Variants in ADGRB3 observed in about 807,000 individuals in gnomAD.
ADGRB3 encodes adhesion G protein-coupled receptor B3, also known as brain-specific angiogenesis inhibitor 3.
Under a neutral mutation model 193.4 loss-of-function variants are expected in ADGRB3, and 37 were observed. That is an observed-to-expected ratio of 0.19 (90% CI 0.15 to 0.25). The LOEUF (loss-of-function observed/expected upper bound fraction) is 0.25. Ranked by LOEUF, ADGRB3 falls within the 10% of genes least tolerant of loss-of-function variation. ADGRB3 has a pLI of 1.00. For synonymous variants in ADGRB3, 690 were observed against 644.2 expected, an observed-to-expected ratio of 1.07 and a Z score of -1.08; for missense variants, 1,637 against 1,852.9, an observed-to-expected ratio of 0.88 and a Z score of 2.14.
At chr6:69,168,761 A>G (rs1775195534) in intron 17 of ADGRB3, among the ~76,000 whole-genome samples, 1 of 152,138 alleles carries the variant, frequency 6.6e-6, no homozygotes, top group Admixed American at 6.5e-5. Flanking sequence ...AGAATTACTC[A>G]TATCATACCA....
intron 17 of ADGRB3, among the ~76,000 whole-genome samples, chr6:69,122,310 G>T (rs984846465): frequency 6.6e-6 from 1 of 151,608 alleles, no homozygotes; most frequent in African/African-American, 2.4e-5. Flanking sequence ...CCAGTCAGGC[G>T]TGGTGGCACG....
chr6:69,048,667 TC>T (rs1489157228), intron 14 of ADGRB3, among the ~76,000 whole-genome samples: 2 of 152,146 alleles, frequency 1.3e-5, no homozygotes, highest in Non-Finnish European at 2.9e-5. Context: ...TGTTGTATTT[TC>T]CATGCAATGT....
At chr6:69,170,984 A>G (rs1221122435) in intron 17 of ADGRB3, among the ~76,000 whole-genome samples, 2 of 152,226 alleles carry the variant, frequency 1.3e-5, no homozygotes, top group Non-Finnish European at 2.9e-5. Context: ...GCCATACGAA[A>G]AGTAAAAAGA....
intron 17 of ADGRB3, among the ~76,000 whole-genome samples, chr6:69,153,912 GA>G (rs1561936294): frequency 1.3e-5 from 2 of 152,016 alleles, no homozygotes; most frequent in Non-Finnish European, 2.9e-5. Flanking sequence ...AGAATGGTGT[GA>G]ACCCGGGAGG....
At chr6:68,735,189 A>T (rs1212148497) in intron 3 of ADGRB3, among the ~76,000 whole-genome samples, 4 of 152,044 alleles carry the variant, frequency 2.6e-5, no homozygotes, top group Admixed American at 6.6e-5. Flanking sequence ...ATGATCAAAA[A>T]TATTGTCGAA....
chr6:68,961,324 A>C (rs553858993), intron 8 of ADGRB3, among the ~76,000 whole-genome samples: 3 of 152,312 alleles, frequency 2.0e-5, no homozygotes, highest in African/African-American at 7.2e-5. Context: ...AAAACCAGGC[A>C]CTGCCAGGAC....
chr6:68,982,836 G>A (rs1001908046), intron 10 of ADGRB3, among the ~76,000 whole-genome samples: 7 of 152,068 alleles, frequency 4.6e-5, no homozygotes, highest in East Asian at 1.9e-4. Flanking sequence ...CTTTCTACCC[G>A]AGAGGTGCTC....
At chr6:68,778,632 C>T (rs1312691184) in intron 3 of ADGRB3, among the ~76,000 whole-genome samples, 3 of 152,110 alleles carry the variant, frequency 2.0e-5, no homozygotes, top group Non-Finnish European at 4.4e-5. Context: ...CTGAACTTTG[C>T]AGAGCACTTG....
chr6:69,248,994 T>C (rs925974033), intron 20 of ADGRB3, among the ~76,000 whole-genome samples: 26 of 152,198 alleles, frequency 1.7e-4, no homozygotes, highest in African/African-American at 6.3e-4. Context: ...TTTCTTTTTT[T>C]TGAAATGGAG....
intron 20 of ADGRB3, among the ~76,000 whole-genome samples, chr6:69,288,018 C>T (rs908577930): frequency 7.3e-5 from 11 of 151,716 alleles, no homozygotes; most frequent in African/African-American, 2.7e-4. Flanking sequence ...CATGCAGTAG[C>T]AATAAAACTT....
intron 23 of ADGRB3, 131 bp from the exon 24 acceptor site, chr6:69,332,792 G>A (rs1407849908): frequency 6.9e-7 from 1 of 1,440,060 alleles, no homozygotes; most frequent in African/African-American, 1.4e-5. Flanking sequence ...CTTATAAAAT[G>A]TTTGAGAGTG....
intron 20 of ADGRB3, among the ~76,000 whole-genome samples, chr6:69,247,891 T>G (rs1212446145): frequency 2.6e-5 from 4 of 151,678 alleles, no homozygotes; most frequent in South Asian, 4.2e-4. Context: ...TGGAGGTCAA[T>G]TTTTTTTTAT....
chr6:68,922,550 C>A (rs749386864), intron 3 of ADGRB3, among the ~76,000 whole-genome samples: 14 of 152,206 alleles, frequency 9.2e-5, no homozygotes, highest in Non-Finnish European at 1.8e-4. Flanking sequence ...TTGACCAGGT[C>A]TTCTACAACT....
intron 3 of ADGRB3, among the ~76,000 whole-genome samples, chr6:68,885,639 C>CA (rs1297673761): frequency 6.6e-6 from 1 of 152,048 alleles, no homozygotes; most frequent in Non-Finnish European, 1.5e-5. Flanking sequence ...AAGTAGAGTA[C>CA]AATGGTGGCT....
intron 3 of ADGRB3, among the ~76,000 whole-genome samples, chr6:68,897,700 G>A (rs1582295287): frequency 1.0e-5 from 1 of 98,162 alleles, no homozygotes. Context: ...ACAGAAAGAA[G>A]AAAGAAGGAA....
chr6:68,772,878 CAAACAAA>C (rs1198352370), intron 3 of ADGRB3, among the ~76,000 whole-genome samples: 92 of 15,670 alleles, frequency 5.9e-3, no homozygotes, highest in East Asian at 7.9e-3. Context: ...AACAAACAAA[CAAACAAA>C]AAAAAAAAAA....
chr6:69,311,884 T>C (rs1768202447), intron 20 of ADGRB3, among the ~76,000 whole-genome samples: 1 of 151,806 alleles, frequency 6.6e-6, no homozygotes, highest in Non-Finnish European at 1.5e-5. Flanking sequence ...ATATTTCCCA[T>C]TGTAAAAAAC....
chr6:68,679,769 A>C (rs1485421526), intron 3 of ADGRB3, among the ~76,000 whole-genome samples: 1 of 152,160 alleles, frequency 6.6e-6, no homozygotes, highest in Non-Finnish European at 1.5e-5. Context: ...CTTTAGTGAT[A>C]TGTTCAATAG....
chr6:68,708,817 T>C (rs58548626), intron 3 of ADGRB3, among the ~76,000 whole-genome samples: 4,640 of 152,280 alleles, frequency 0.03, 127 homozygotes, highest in African/African-American at 0.067. Context: ...TACTTGCAAA[T>C]AGTATCTAAG....
Sources: gnomAD v4.1 joint callset for allele counts (sites outside exome capture counted in the v4.1 genomes callset) on GRCh38, gnomAD v4.1.1 for gene constraint, MANE v1.5 for transcripts, NCBI Gene and HGNC (gene_info 2026-07-23, HGNC 2026-07-21) for gene names.